The following TMEM178B variants were observed in gnomAD, a reference collection of about 807,000 sequenced individuals.
TMEM178B encodes transmembrane protein 178B.
TMEM178B carries 5 observed loss-of-function variants against 31.0 expected under a neutral mutation model. The observed-to-expected ratio is 0.16, with a 90% confidence interval of 0.08 to 0.34. The LOEUF (loss-of-function observed/expected upper bound fraction) is 0.34. Ranked by LOEUF, TMEM178B falls within the 10% of genes least tolerant of loss-of-function variation. The pLI is 1.00. For missense variants in TMEM178B, 275 were observed against 400.3 expected (o/e 0.69, Z 2.67); for synonymous variants, 164 against 164.0 (o/e 1.00, Z 0.00).
chr7:141,212,926 G>A (rs575575534), intron 2 of TMEM178B, among the ~76,000 whole-genome samples: 8 of 152,296 alleles, frequency 5.3e-5, no homozygotes, highest in South Asian at 2.1e-4. Context: ...AGAACCAACC[G>A]TCAAAACTTC....
intron 1 of TMEM178B, among the ~76,000 whole-genome samples, chr7:141,121,850 T>C (rs2129176450): frequency 6.6e-6 from 1 of 152,316 alleles, no homozygotes; most frequent in South Asian, 2.1e-4. Flanking sequence ...ACCCCCTTTT[T>C]GACTTGCTGA....
At chr7:141,297,691 C>A (rs1477778522) in intron 2 of TMEM178B, among the ~76,000 whole-genome samples, 1 of 152,108 alleles carries the variant, frequency 6.6e-6, no homozygotes. Context: ...TGAACTCATC[C>A]TTTTTTATGG....
chr7:141,198,294 C>G (rs1796817909), intron 1 of TMEM178B, among the ~76,000 whole-genome samples: 1 of 152,186 alleles, frequency 6.6e-6, no homozygotes, highest in Non-Finnish European at 1.5e-5. Context: ...GGGAGGCAGA[C>G]TTGACTGGGG....
At chr7:141,191,321 C>T in intron 1 of TMEM178B, among the ~76,000 whole-genome samples, 1 of 152,204 alleles carries the variant, frequency 6.6e-6, no homozygotes. Context: ...TAACCTTGTA[C>T]ATCTGTCATT....
At chr7:141,117,512 A>G (rs1340467771) in intron 1 of TMEM178B, among the ~76,000 whole-genome samples, 2 of 152,150 alleles carry the variant, frequency 1.3e-5, no homozygotes, top group African/African-American at 2.4e-5. Context: ...CTTCAGTTTA[A>G]TTAGTTCCCA....
intron 2 of TMEM178B, among the ~76,000 whole-genome samples, chr7:141,337,643 C>A (rs541315482): frequency 6.6e-6 from 1 of 152,304 alleles, no homozygotes; most frequent in South Asian, 2.1e-4. Context: ...ACACTTTTGG[C>A]TACATCTTTC....
At chr7:141,351,142 G>A (rs1300468463) in intron 2 of TMEM178B, among the ~76,000 whole-genome samples, 1 of 152,242 alleles carries the variant, frequency 6.6e-6, no homozygotes, top group Non-Finnish European at 1.5e-5. Context: ...GAAAGCCAAG[G>A]AAGAGTGTCT....
intron 2 of TMEM178B, among the ~76,000 whole-genome samples, chr7:141,346,308 A>G (rs1020493406): frequency 3.9e-5 from 6 of 152,230 alleles, no homozygotes; most frequent in African/African-American, 1.4e-4. Context: ...ATCATGCTAT[A>G]GAAAATTGGA....
In TMEM178B at chr7:141,344,574, C is replaced by CCCTTCCTTCCTCCCTT. The variant is rs1799576710; in HGVS notation, c.497-93023_497-93022insCCCTTCCTTCCTTCCT. ...CTCCCTCCCTCCATTCCTCCCTCCT[C>CCCTTCCTTCCTCCCTT]CCTTCCTTCCTTCCTTCCTTCCTTC... On this transcript the variant is annotated intron_variant, in intron 2 of 3. Transcript: ENST00000565468. The surrounding 1 kb of genome is among the most constrained non-coding windows in gnomAD (Gnocchi z 4.1). 1.1e-4 allele frequency among the ~76,000 whole-genome samples: 15 copies of CCCTTCCTTCCTCCCTT among 137,316 alleles called. No homozygotes were observed. The highest frequency in any genetic ancestry group is 3.6e-4 in the African/African-American group (13 of 36,152). The allele number at this position is 137,316 out of a possible 152,430, so 90.1% of individuals were successfully genotyped here.
chr7:141,196,589 G>A (rs541698739), intron 1 of TMEM178B, among the ~76,000 whole-genome samples: 1 of 152,298 alleles, frequency 6.6e-6, no homozygotes, highest in East Asian at 1.9e-4. Context: ...CATCAGGTTA[G>A]AGCTAAGGGT....
At chr7:141,239,961 A>G (rs1797593362) in intron 2 of TMEM178B, among the ~76,000 whole-genome samples, 1 of 152,274 alleles carries the variant, frequency 6.6e-6, no homozygotes, top group Non-Finnish European at 1.5e-5. Context: ...TAAAAAAATA[A>G]AAAGAAACAG....
rs1178014496 is a variant in TMEM178B at position 141,478,625 on chromosome 7, C to G, written c.*7839C>G. 6.6e-6 allele frequency: 1 copy of G among 152,150 alleles called. No homozygotes were observed. Among genetic ancestry groups the G allele is most frequent in the Non-Finnish European group, 1.5e-5 (1 of 68,030 alleles). The allele number at this position is 152,150 out of a possible 1,614,324, so 9.4% of individuals were successfully genotyped here. A position where few individuals can be genotyped will look rare whatever the true frequency, so the allele number is the denominator to read the frequency against. On this transcript the variant is annotated 3_prime_UTR_variant, in exon 4 of 4. Coordinates refer to ENST00000565468, the MANE Select transcript of TMEM178B (RefSeq NM_001195278.2). Reference sequence around the variant, plus strand: ...TAGACTACATTTTAACCTAACATGTCAAAAATAGTATCACTTCAGCATGGA... The same window carrying G: ...TAGACTACATTTTAACCTAACATGTGAAAAATAGTATCACTTCAGCATGGA...
intron 2 of TMEM178B, among the ~76,000 whole-genome samples, chr7:141,284,458 G>T (rs748186487): frequency 3.3e-5 from 5 of 152,040 alleles, no homozygotes; most frequent in Non-Finnish European, 7.4e-5. Flanking sequence ...TCTCTTCAAG[G>T]CTTTGAAAAC....
intron 2 of TMEM178B, among the ~76,000 whole-genome samples, chr7:141,407,348 T>C (rs1037328206): frequency 3.3e-5 from 5 of 152,226 alleles, no homozygotes; most frequent in African/African-American, 1.2e-4. Flanking sequence ...GTCTGGAGCA[T>C]AGAAAAACTG....
chr7:141,340,177 T>C (rs1563156182), intron 2 of TMEM178B, among the ~76,000 whole-genome samples: 1 of 152,202 alleles, frequency 6.6e-6, no homozygotes, highest in Non-Finnish European at 1.5e-5. Context: ...GCAGGCAGTT[T>C]CTTGAAACTG....
At chr7:141,141,146 C>T (rs1406875183) in intron 1 of TMEM178B, among the ~76,000 whole-genome samples, 1 of 152,132 alleles carries the variant, frequency 6.6e-6, no homozygotes, top group East Asian at 1.9e-4. Context: ...ATATCAGTAT[C>T]AACTCATGAA....
rs760806273 is a variant in TMEM178B, at chr7:141,235,916, G to A, written c.496+23212G>A. Among the ~76,000 whole-genome samples, 8 of 152,306 alleles carry A rather than the reference G, an allele frequency of 5.3e-5. No homozygotes were observed. In the South Asian group the frequency reaches 6.2e-4, roughly 12 times the overall value. ...GCTGGCTTTCAGGCCTGTCTTGGCC[G>A]TCCCAGCTCAGCCTTCCCAGTCCTG... On this transcript the variant is annotated intron_variant, in intron 2 of 3. Transcript: ENST00000565468.
chr7:141,382,854 C>G (rs1391934610), intron 2 of TMEM178B, among the ~76,000 whole-genome samples: 1 of 152,186 alleles, frequency 6.6e-6, no homozygotes, highest in African/African-American at 2.4e-5. Flanking sequence ...AAGGGGTGTT[C>G]CTTTATATCT....
intron 1 of TMEM178B, among the ~76,000 whole-genome samples, chr7:141,205,534 G>A (rs373391961): frequency 1.3e-5 from 2 of 152,218 alleles, no homozygotes; most frequent in South Asian, 2.1e-4. Flanking sequence ...TCCCTCTGGA[G>A]GAAGGGGATC....
Sources: gnomAD v4.1 joint callset for allele counts (sites outside exome capture counted in the v4.1 genomes callset) on GRCh38, gnomAD v4.1.1 for gene constraint, Gnocchi (gnomAD v3.1) non-coding constraint, MANE v1.5 for transcripts, NCBI Gene and HGNC (gene_info 2026-07-23, HGNC 2026-07-21) for gene names.